Variants in CSMD3 observed in about 807,000 individuals in gnomAD.
The protein encoded by CSMD3 is CUB and Sushi multiple domains 3, also known as CUB and sushi domain-containing protein 3.
A neutral mutation model predicts 435.2 loss-of-function variants in CSMD3; 177 were observed. That is an observed-to-expected ratio of 0.41 (90% CI 0.36 to 0.46). The LOEUF (loss-of-function observed/expected upper bound fraction) is 0.46. Among genes scored for constraint, CSMD3 ranks in the 20% least tolerant of loss-of-function variants. The probability of loss-of-function intolerance (pLI) is 0.34; values close to 1 mark genes in which losing one functional copy is unlikely to be tolerated. For synonymous variants in CSMD3, 1,656 were observed against 1,520.5 expected, an observed-to-expected ratio of 1.09 and a Z score of -2.07; for missense variants, 4,265 against 4,504.6, an observed-to-expected ratio of 0.95 and a Z score of 1.52.
At chr8:112,318,003 G>A (rs1822632682) in intron 47 of CSMD3, among the ~76,000 whole-genome samples, 1 of 151,988 alleles carries the variant, frequency 6.6e-6, no homozygotes, top group South Asian at 2.1e-4. Context: ...GGGCCTAGGG[G>A]CTACACAAAT....
intron 13 of CSMD3, among the ~76,000 whole-genome samples, chr8:112,796,894 G>A (rs996927221): frequency 2.6e-5 from 4 of 151,970 alleles, no homozygotes; most frequent in Non-Finnish European, 5.9e-5. Flanking sequence ...CCAAGAGGTT[G>A]GTGGCATTTT....
chr8:112,683,865 G>C (rs1586961588), intron 15 of CSMD3, among the ~76,000 whole-genome samples: 1 of 151,420 alleles, frequency 6.6e-6, no homozygotes, highest in African/African-American at 2.4e-5. Flanking sequence ...GAATATTAAG[G>C]TACGTTTTAG....
At chr8:112,341,396 G>T in intron 42 of CSMD3, 81 bp downstream of exon 42, 39 of 901,644 alleles carry the variant, frequency 4.3e-5, no homozygotes, top group Non-Finnish European at 5.7e-5. Flanking sequence ...ACAGAATACA[G>T]AAAATAATTA....
intron 10 of CSMD3, among the ~76,000 whole-genome samples, chr8:112,863,421 T>G (rs2080881123): frequency 6.6e-6 from 1 of 151,874 alleles, no homozygotes; most frequent in Admixed American, 6.6e-5. Flanking sequence ...GAAAATACCA[T>G]TTATATTATA....
At chr8:112,362,496 G>C (rs573332861) in intron 38 of CSMD3, among the ~76,000 whole-genome samples, 1 of 152,070 alleles carries the variant, frequency 6.6e-6, no homozygotes, top group Admixed American at 6.6e-5. Flanking sequence ...ATAATACTAA[G>C]TTAAATGAAC....
At position 112,954,760 on chromosome 8, in the gene CSMD3, C is replaced by T. The variant is rs767016686; in HGVS notation, c.1344G>A (p.Val448=). 6.5e-7 allele frequency: 1 copy of T among 1,530,510 alleles called. No homozygotes were observed. 94.8% of individuals were successfully genotyped at this position (1,530,510 alleles called of 1,614,324 possible). Residue 448 remains valine (V), a splice_region_variant and synonymous_variant, in exon 8 of 71, where the codon GTG becomes GTA. Coordinates refer to ENST00000297405, the MANE Select transcript of CSMD3 (RefSeq NM_198123.2). ...TAGATTTAAAATCTATGGCCTTTTT[C>T]ACTAGTTAAGAAAACAAACAAAAAC... ...TKELAVVTHR[V]KKAIDFKSRG...
intron 32 of CSMD3, among the ~76,000 whole-genome samples, chr8:112,452,769 C>T (rs1381365168): frequency 1.3e-5 from 2 of 152,086 alleles, no homozygotes; most frequent in East Asian, 3.9e-4. Flanking sequence ...AACAGCTAAC[C>T]TACACATTCT....
intron 6 of CSMD3, among the ~76,000 whole-genome samples, chr8:113,018,119 A>AGTAAT (rs2086539854): frequency 6.6e-6 from 1 of 152,100 alleles, no homozygotes; most frequent in African/African-American, 2.4e-5. Flanking sequence ...TCAGTGCACT[A>AGTAAT]TTACGAAAGT....
chr8:112,933,176 C>T (rs1175065508), intron 9 of CSMD3, among the ~76,000 whole-genome samples: 1 of 151,582 alleles, frequency 6.6e-6, no homozygotes, highest in African/African-American at 2.4e-5. Flanking sequence ...AGATATGGTG[C>T]TAAAATACAA....
At chr8:113,365,824 T>C (rs1180710788) in intron 1 of CSMD3, among the ~76,000 whole-genome samples, 2 of 152,036 alleles carry the variant, frequency 1.3e-5, no homozygotes, top group African/African-American at 2.4e-5. Context: ...TATCAGCATA[T>C]TTCCATCAAT....
rs78450001 is a variant in CSMD3, at chr8:112,519,830, T to C, written c.4565-2605A>G. 6.1e-3 allele frequency among the ~76,000 whole-genome samples: 927 copies of C among 152,244 alleles called. 10 individuals carry two copies. The highest frequency in any genetic ancestry group is 0.022 in the African/African-American group (895 of 41,548). ...AAGAACAAATGCAGGTATAAGACCA[T>C]ATCCAAGGGACATTTTTGAAATAAA... On this transcript the variant is annotated intron_variant, in intron 27 of 70. Coordinates refer to ENST00000297405, the MANE Select transcript of CSMD3 (RefSeq NM_198123.2).
At chr8:112,836,415 T>C (rs1291004115) in intron 11 of CSMD3, among the ~76,000 whole-genome samples, 1 of 151,862 alleles carries the variant, frequency 6.6e-6, no homozygotes, top group African/African-American at 2.4e-5. Context: ...CAGGGACTGC[T>C]CATCCAATTA....
At chr8:113,025,604 C>T (rs779956118) in intron 5 of CSMD3, among the ~76,000 whole-genome samples, 5 of 152,126 alleles carry the variant, frequency 3.3e-5, no homozygotes, top group Non-Finnish European at 5.9e-5. Flanking sequence ...GGGACCACCA[C>T]AAGGCTAACT....
intron 1 of CSMD3, among the ~76,000 whole-genome samples, chr8:113,346,779 T>A (rs996994395): frequency 2.2e-4 from 34 of 152,154 alleles, no homozygotes; most frequent in African/African-American, 8.0e-4. Flanking sequence ...TGACCATGAA[T>A]AATGCTTTAA....
intron 10 of CSMD3, among the ~76,000 whole-genome samples, chr8:112,903,630 G>A (rs2082170394): frequency 6.6e-6 from 1 of 150,970 alleles, no homozygotes; most frequent in South Asian, 2.1e-4. Context: ...CTCTGGTGTG[G>A]GATTCCTAAA....
At chr8:112,467,801 A>G (rs781760566) in intron 32 of CSMD3, among the ~76,000 whole-genome samples, 3 of 152,178 alleles carry the variant, frequency 2.0e-5, no homozygotes, top group Non-Finnish European at 4.4e-5. Context: ...TAAACCAGCT[A>G]TAAGCCCAGG....
intron 27 of CSMD3, among the ~76,000 whole-genome samples, chr8:112,535,679 T>C (rs1214563852): frequency 6.7e-6 from 1 of 150,136 alleles, no homozygotes. Context: ...TACTTTAAAG[T>C]TCATATGGAA....
rs190610289 is a variant in CSMD3, at chr8:112,563,791, T to C, written c.4043-6837A>G. ...AAATTGTCATCAGTACTTGGTGTTG[T>C]ACAGCTTTCTAACTTGTATTTACTC... On this transcript the variant is annotated intron_variant, in intron 24 of 70. Coordinates refer to ENST00000297405, the MANE Select transcript of CSMD3 (RefSeq NM_198123.2). Among the ~76,000 whole-genome samples the C allele has an allele frequency of 2.5e-3, 386 of 152,204 alleles. 2 individuals carry two copies. Among genetic ancestry groups the C allele is most frequent in the African/African-American group, 9.0e-3 (374 of 41,570 alleles).
intron 9 of CSMD3, among the ~76,000 whole-genome samples, chr8:112,944,231 T>C (rs2083536120): frequency 6.6e-6 from 1 of 151,740 alleles, no homozygotes; most frequent in African/African-American, 2.4e-5. Flanking sequence ...GTAAAAGTAT[T>C]AAACATGAGC....
Sources: gnomAD v4.1 joint callset for allele counts (sites outside exome capture counted in the v4.1 genomes callset) on GRCh38, gnomAD v4.1.1 for gene constraint, MANE v1.5 for transcripts, NCBI Gene and HGNC (gene_info 2026-07-23, HGNC 2026-07-21) for gene names.